Variants in PITHD1 observed in about 807,000 individuals in gnomAD.
The protein encoded by PITHD1 is PITH domain containing 1, also known as PITH domain-containing protein 1.
In PITHD1, 8 loss-of-function variants were observed where a neutral mutation model predicts 27.5. The observed-to-expected ratio is 0.29, with a 90% confidence interval of 0.17 to 0.52. The LOEUF is 0.52. Ranked by LOEUF, PITHD1 falls within the 20% of genes least tolerant of loss-of-function variation. The probability of loss-of-function intolerance (pLI) is 0.96; values close to 1 mark genes in which losing one functional copy is unlikely to be tolerated. For missense variants in PITHD1, 233 were observed against 283.9 expected (o/e 0.82, Z 1.29); for synonymous variants, 118 against 106.8 (o/e 1.10, Z -0.64).
At position 23,787,560 on chromosome 1, in the gene PITHD1, A is replaced by G. The variant is rs560123208; in HGVS notation, c.*184A>G. 4.4e-6 allele frequency: 2 copies of G among 456,696 alleles called. No individual in the cohort carries two copies. The highest frequency in any genetic ancestry group is 2.0e-5 in the African/African-American group (1 of 50,340). 28.3% of individuals were successfully genotyped at this position (456,696 alleles called of 1,614,324 possible). A position where few individuals can be genotyped will look rare whatever the true frequency, so the allele number is the denominator to read the frequency against. On this transcript the variant is annotated 3_prime_UTR_variant, in exon 6 of 6. Transcript: ENST00000246151. ...TACGACACCACTGGGAGGGTTGTGT[A>G]GGTGCCAGGGGACCATCGTGGTTCT...
chr1:23,780,326 G>A (rs1388726240), intron 3 of PITHD1, among the ~76,000 whole-genome samples: 1 of 152,078 alleles, frequency 6.6e-6, no homozygotes, highest in Admixed American at 6.6e-5. Flanking sequence ...ATACAGTAAT[G>A]ATCTTATGTG....
intron 1 of PITHD1, 34 bp downstream of exon 1, chr1:23,778,747 G>T: frequency 3.4e-6 from 4 of 1,169,254 alleles, no homozygotes; most frequent in South Asian, 3.2e-5. Context: ...GGGCGGGGCA[G>T]GGTGCGTGTG....
intron 3 of PITHD1, chr1:23,785,158 G>A (rs796145726): frequency 4.6e-5 from 7 of 152,866 alleles, no homozygotes; most frequent in South Asian, 2.1e-4. Context: ...AAGATGCCAT[G>A]GGGTTATGTT....
intron 3 of PITHD1, among the ~76,000 whole-genome samples, chr1:23,781,779 A>G (rs543441672): frequency 6.6e-5 from 10 of 152,292 alleles, no homozygotes; most frequent in Non-Finnish European, 7.3e-5. Flanking sequence ...TGGATTTTCT[A>G]TATCTAACAT....
chr1:23,779,504 C>T (rs1191637201), intron 2 of PITHD1, 23 bp downstream of exon 2: 7 of 1,586,902 alleles, frequency 4.4e-6, no homozygotes, highest in Non-Finnish European at 5.2e-6. Flanking sequence ...TTGGTGCCTA[C>T]CTCAGGCTAA....
chr1:23,781,340 G>C (rs768202556), intron 3 of PITHD1, among the ~76,000 whole-genome samples: 6 of 152,114 alleles, frequency 3.9e-5, no homozygotes, highest in Non-Finnish European at 8.8e-5. Flanking sequence ...GCACAGGCCT[G>C]TAATCCTAGC....
chr1:23,787,252 AC>A, intron 5 of PITHD1, 22 bp from the exon 6 acceptor site: 1 of 1,573,554 alleles, frequency 6.4e-7, no homozygotes, highest in Non-Finnish European at 8.7e-7. Context: ...TGGCTGGCTG[AC>A]CCAGCCTCAA....
chr1:23,784,584 C>T lies in PITHD1; in HGVS notation c.321-1091C>T, dbSNP rs143162013. On this transcript the variant is annotated intron_variant, in intron 3 of 5. Coordinates refer to ENST00000246151, the MANE Select transcript of PITHD1 (RefSeq NM_020362.5). The stretch of plus-strand genomic sequence containing the variant: ...ATTTTGCCCCAGCTAATATCGAGGC[C>T]TCTTCTGTGTGGGTGTGTCAATAAA... Among the ~76,000 whole-genome samples the T allele has an allele frequency of 5.4e-3, 821 of 152,156 alleles. 6 individuals carry two copies. The highest frequency in any genetic ancestry group is 8.0e-3 in the Non-Finnish European group (541 of 68,010).
intron 1 of PITHD1, among the ~76,000 whole-genome samples, chr1:23,779,155 A>G (rs997581211): frequency 9.2e-5 from 14 of 152,172 alleles, no homozygotes; most frequent in African/African-American, 3.4e-4. Context: ...TTCTCAGAAA[A>G]ATGCACATAA....
chr1:23,781,677 T>C (rs1231837658), intron 3 of PITHD1, among the ~76,000 whole-genome samples: 1 of 152,180 alleles, frequency 6.6e-6, no homozygotes, highest in East Asian at 1.9e-4. Flanking sequence ...TGCATTGTGA[T>C]TTAGAGTGTG....
At chr1:23,783,401 A>G (rs1273786661) in intron 3 of PITHD1, among the ~76,000 whole-genome samples, 1 of 19,554 alleles carries the variant, frequency 5.1e-5, no homozygotes, top group Non-Finnish European at 8.6e-5. Context: ...ATATATACGC[A>G]TATATACACA....
chr1:23,785,861 A>C (rs1266147329), intron 4 of PITHD1, 82 bp downstream of exon 4: 1 of 761,672 alleles, frequency 1.3e-6, no homozygotes, highest in Non-Finnish European at 2.3e-6. Flanking sequence ...CTGCTCTCTT[A>C]GCATTGGAAA....
In PITHD1 at chr1:23,778,952, A is replaced by G. The variant is rs141039692; in HGVS notation, c.198+239A>G. Among the ~76,000 whole-genome samples the G allele has an allele frequency of 2.6e-3, 403 of 152,288 alleles. 4 individuals carry two copies. Among genetic ancestry groups the G allele is most frequent in the African/African-American group, 9.5e-3 (393 of 41,566 alleles). On this transcript the variant is annotated intron_variant, in intron 1 of 5. Transcript: ENST00000246151. ...GTCAAGCTACACAGCCTAACGCTCT[A>G]TTCCAGGGCTGTGTGGGCTAGAGAG...
At chr1:23,786,533 T>C in intron 5 of PITHD1, 110 bp downstream of exon 5, 1 of 411,700 alleles carries the variant, frequency 2.4e-6, no homozygotes, top group Non-Finnish European at 4.5e-6. Flanking sequence ...ACTCCCAGTT[T>C]ATTATTTTTC....
chr1:23,784,673 C>T (rs1352229221), intron 3 of PITHD1, among the ~76,000 whole-genome samples: 1 of 152,152 alleles, frequency 6.6e-6, no homozygotes, highest in African/African-American at 2.4e-5. Flanking sequence ...ATAGAGACAG[C>T]TGCTTTTTAG....
intron 5 of PITHD1, 68 bp from the exon 6 acceptor site, chr1:23,787,207 A>G (rs1448431895): frequency 3.2e-6 from 3 of 951,524 alleles, no homozygotes; most frequent in Non-Finnish European, 5.2e-6. Flanking sequence ...GGACTACCGC[A>G]ATGTGTGTGG....
At chr1:23,783,285 G>GTATA (rs570952581) in intron 3 of PITHD1, among the ~76,000 whole-genome samples, 1 of 144,480 alleles carries the variant, frequency 6.9e-6, no homozygotes, top group East Asian at 2.0e-4. Flanking sequence ...GCACATGTGT[G>GTATA]TATATATATA....
intron 4 of PITHD1, 98 bp downstream of exon 4, chr1:23,785,877 TA>T (rs1209315308): frequency 1.5e-6 from 1 of 688,880 alleles, no homozygotes; most frequent in East Asian, 2.7e-5. Flanking sequence ...GGAAATGAGT[TA>T]AAACAGTGGA....
intron 3 of PITHD1, among the ~76,000 whole-genome samples, chr1:23,784,863 T>C (rs1160440172): frequency 1.3e-5 from 2 of 152,170 alleles, no homozygotes; most frequent in Non-Finnish European, 2.9e-5. Context: ...AATCCTCATG[T>C]TATAAATGTT....
Sources: gnomAD v4.1 joint callset for allele counts (sites outside exome capture counted in the v4.1 genomes callset) on GRCh38, gnomAD v4.1.1 for gene constraint, MANE v1.5 for transcripts, NCBI Gene and HGNC (gene_info 2026-07-23, HGNC 2026-07-21) for gene names.